The following TRAF7 variants were observed in gnomAD, a reference collection of about 807,000 sequenced individuals.
TRAF7 encodes E3 ubiquitin-protein ligase TRAF7.
In TRAF7, 45 loss-of-function variants were observed where a neutral mutation model predicts 89.3. The ratio of observed to expected loss-of-function variants is 0.50; its 90% CI spans 0.40 to 0.65. The LOEUF (loss-of-function observed/expected upper bound fraction) is 0.65. Ranked by LOEUF, TRAF7 falls within the 30% of genes least tolerant of loss-of-function variation. The pLI, the probability that TRAF7 is intolerant of heterozygous loss-of-function variation, is 0.00. For missense variants in TRAF7, 677 were observed against 918.1 expected, an observed-to-expected ratio of 0.74 and a Z score of 3.39; for synonymous variants, 406 against 369.2, an observed-to-expected ratio of 1.10 and a Z score of -1.14.
Position 2,158,016 on chromosome 16 carries a change from G to A in TRAF7, c.-39+2158G>A, listed in dbSNP as rs1338870303. Among the ~76,000 whole-genome samples, 1 of 152,220 alleles carries A rather than the reference G, an allele frequency of 6.6e-6. No homozygotes were observed. Among genetic ancestry groups the A allele is most frequent in the African/African-American group, 2.4e-5 (1 of 41,454 alleles). ...TTTTCGAGAAGCCCGAGGCCAGGAGGGCAGGTACACAGCTGTGAAGTGGTA... is the reference window on the plus strand; with the variant it reads ...TTTTCGAGAAGCCCGAGGCCAGGAGAGCAGGTACACAGCTGTGAAGTGGTA... On this transcript the variant is annotated intron_variant, in intron 1 of 20. Coordinates refer to ENST00000326181, the MANE Select transcript of TRAF7 (RefSeq NM_032271.3). This position sits in a 1 kb window ranked among gnomAD's most constrained non-coding sequence, Gnocchi z 4.7.
At position 2,163,484 on chromosome 16, in the gene TRAF7, C is replaced by A; in HGVS notation, c.-38-399C>A. On this transcript the variant is annotated intron_variant, in intron 1 of 20. Coordinates refer to ENST00000326181, the MANE Select transcript of TRAF7 (RefSeq NM_032271.3). The surrounding 1 kb of genome is among the most constrained non-coding windows in gnomAD (Gnocchi z 4.3). Reference sequence around the variant, plus strand: ...TGTGACTGCGTCCCGCCACGTGGGCCACACCCTGGGCCTACCCACCAAGGC... The same window carrying A: ...TGTGACTGCGTCCCGCCACGTGGGCAACACCCTGGGCCTACCCACCAAGGC... The A allele has an allele frequency of 4.8e-6, 1 of 209,436 alleles. No individual in the cohort carries two copies. Among genetic ancestry groups the A allele is most frequent in the Non-Finnish European group, 9.9e-6 (1 of 100,758 alleles). 13.0% of individuals were successfully genotyped at this position (209,436 alleles called of 1,614,324 possible). A position where few individuals can be genotyped will look rare whatever the true frequency, so the allele number is the denominator to read the frequency against.
intron 3 of TRAF7, among the ~76,000 whole-genome samples, chr16:2,167,007 G>T (rs1326226093): frequency 6.6e-6 from 1 of 152,198 alleles, no homozygotes; most frequent in Non-Finnish European, 1.5e-5. Context: ...CTGGCCATGG[G>T]GTCATAGGGC....
chr16:2,164,126 T>TGG (rs796357690), intron 2 of TRAF7, 125 bp downstream of exon 2: 21 of 519,894 alleles, frequency 4.0e-5, no homozygotes, highest in Middle Eastern at 5.3e-4. Flanking sequence ...GGGAGCTCGG[T>TGG]GGGGGGGGGT....
Position 2,172,372 on chromosome 16 carries a change from GAAGT to G in TRAF7, c.659+3_659+6del. The G allele has an allele frequency of 6.2e-7, 1 of 1,611,766 alleles. No individual in the cohort carries two copies. The highest frequency in any genetic ancestry group is 8.5e-7 in the Non-Finnish European group (1 of 1,179,466). ...CCTTCACCATCAAGCTCAGCGCCCG[GAAGT>G]AAGTGCCCCTCCCTGGGCACCTCTG... On this transcript the variant is annotated splice_donor_variant and coding_sequence_variant, in exon 8 of 21. Transcript: ENST00000326181. LOFTEE classifies it high-confidence loss of function.
chr16:2,175,056 G>C, intron 14 of TRAF7, 55 bp from the exon 15 acceptor site: 1 of 1,611,440 alleles, frequency 6.2e-7, no homozygotes, highest in Non-Finnish European at 8.5e-7. Flanking sequence ...TGCCAGGGCG[G>C]TGTCAGCATG....
intron 12 of TRAF7, 21 bp downstream of exon 12, chr16:2,173,857 G>GCGGGGGCGGGCCCCCCCC: frequency 6.2e-7 from 1 of 1,607,510 alleles, no homozygotes; most frequent in Non-Finnish European, 8.5e-7. Flanking sequence ...ACCCGCCGTG[G>GCGGGGGCGGGCCCCCCCC]CTCCCGCCCA....
chr16:2,167,995 G>T, intron 3 of TRAF7, 82 bp from the exon 4 acceptor site: 2 of 1,318,502 alleles, frequency 1.5e-6, no homozygotes, highest in Non-Finnish European at 2.1e-6. Flanking sequence ...GACCCACAGG[G>T]TCGGGTATCC....
rs889914619 is a variant in TRAF7 at position 2,168,945 on chromosome 16, G to A, written c.231+777G>A. Among the ~76,000 whole-genome samples the A allele has an allele frequency of 1.2e-4, 18 of 152,150 alleles. No homozygotes were observed. In the East Asian group the frequency reaches 1.9e-3, roughly 16 times the overall value. On this transcript the variant is annotated intron_variant, in intron 4 of 20. Coordinates refer to ENST00000326181, the MANE Select transcript of TRAF7 (RefSeq NM_032271.3). The surrounding 1 kb of genome is among the most constrained non-coding windows in gnomAD (Gnocchi z 4.1). Reference sequence around the variant, plus strand: ...CCAGTGCTTGGACACCAGGTGTGGCGGCCCTGCTGGCCCTCTTGGGACCGA... The same window carrying A: ...CCAGTGCTTGGACACCAGGTGTGGCAGCCCTGCTGGCCCTCTTGGGACCGA...
chr16:2,171,400 C>G, intron 6 of TRAF7, 44 bp downstream of exon 6: 1 of 1,539,166 alleles, frequency 6.5e-7, no homozygotes, highest in Non-Finnish European at 8.8e-7. Flanking sequence ...CCAGAGGCCC[C>G]CACAGGACCC....
intron 2 of TRAF7, 145 bp downstream of exon 2, chr16:2,164,146 G>GACC: frequency 1.7e-6 from 1 of 582,702 alleles, no homozygotes; most frequent in Non-Finnish European, 2.9e-6. Flanking sequence ...TGTGGTGTGT[G>GACC]TGTGTGTGTG....
At chr16:2,164,087 C>G in intron 2 of TRAF7, 86 bp downstream of exon 2, 3 of 1,298,752 alleles carry the variant, frequency 2.3e-6, no homozygotes, top group Non-Finnish European at 3.2e-6. Context: ...GAGCTCCCAG[C>G]GCAGTCCCGT....
rs975885867 is a variant in TRAF7, at chr16:2,161,975, A to G, written c.-38-1908A>G. Among the ~76,000 whole-genome samples, 4 of 152,050 alleles carry G rather than the reference A, an allele frequency of 2.6e-5. No individual in the cohort carries two copies. Among genetic ancestry groups the G allele is most frequent in the African/African-American group, 7.2e-5 (3 of 41,408 alleles). On this transcript the variant is annotated intron_variant, in intron 1 of 20. Coordinates refer to ENST00000326181, the MANE Select transcript of TRAF7 (RefSeq NM_032271.3). This position sits in a 1 kb window ranked among gnomAD's most constrained non-coding sequence, Gnocchi z 5.2. ...GGAGCCCCTGCCTCTTCCACAAGAGAAGTCCCCCGAGAGCCTAGTCTGGGT... is the reference window on the plus strand; with the variant it reads ...GGAGCCCCTGCCTCTTCCACAAGAGGAGTCCCCCGAGAGCCTAGTCTGGGT...
intron 9 of TRAF7, 23 bp downstream of exon 9, chr16:2,172,622 T>TGTGGGGGGGGGGGGGGGGGGG: frequency 1.3e-6 from 1 of 752,320 alleles, no homozygotes; most frequent in Non-Finnish European, 2.0e-6. Context: ...CGGGCGGGGG[T>TGTGGGGGGGGGGGGGGGGGGG]GGGCCGGGGT....
In TRAF7 at chr16:2,159,539, TG is replaced by T. The variant is rs1486710754; in HGVS notation, c.-39+3684del. The stretch of plus-strand genomic sequence containing the variant: ...TCTATAGAATTTAGCGGCCTGGGCT[TG>T]GGCCAGGGGGCTGAGGCAGGGGCTG... On this transcript the variant is annotated intron_variant, in intron 1 of 20. Coordinates refer to ENST00000326181, the MANE Select transcript of TRAF7 (RefSeq NM_032271.3). The surrounding 1 kb of genome is among the most constrained non-coding windows in gnomAD (Gnocchi z 6.5). Among the ~76,000 whole-genome samples, 2 of 152,112 alleles carry T rather than the reference TG, an allele frequency of 1.3e-5. No individual in the cohort carries two copies. The highest frequency in any genetic ancestry group is 3.9e-4 in the East Asian group (2 of 5,186).
At chr16:2,170,544 TG>T in intron 4 of TRAF7, 69 bp from the exon 5 acceptor site, 2 of 1,227,022 alleles carry the variant, frequency 1.6e-6, no homozygotes, top group Non-Finnish European at 2.4e-6. Flanking sequence ...TCCGCCGGGC[TG>T]GGTCCTGTCC....
intron 2 of TRAF7, among the ~76,000 whole-genome samples, chr16:2,165,099 G>T (rs532631275): frequency 7.7e-6 from 1 of 130,392 alleles, no homozygotes; most frequent in Non-Finnish European, 1.6e-5. Context: ...CTGGTCGCAT[G>T]GTTAAGCGTG....
chr16:2,164,159 TG>T (rs2093069715), intron 2 of TRAF7, among the ~76,000 whole-genome samples, 158 bp downstream of exon 2: 1 of 126,078 alleles, frequency 7.9e-6, no homozygotes. Context: ...TGTGTGTGTG[TG>T]CGCGCGCGCG....
chr16:2,175,396 C>T lies in TRAF7; in HGVS notation c.1482C>T (p.Ser494=), dbSNP rs774703912. 2.3e-5 allele frequency: 37 copies of T among 1,613,442 alleles called. No homozygotes were observed. Among genetic ancestry groups the T allele is most frequent in the Admixed American group, 2.0e-4 (12 of 60,004 alleles). The change falls in exon 16 of 21, where the codon AGC becomes AGT. Residue 494 remains serine (S), a synonymous_variant. Coordinates refer to ENST00000326181, the MANE Select transcript of TRAF7 (RefSeq NM_032271.3). ...TLVSSHNVLF[S]GSLKAIKVWD... ...TCTCCTCACACAACGTGCTCTTCAG[C>T]GGCTCCCTGAAGGCCATCAAGGTAC...
In TRAF7 at chr16:2,159,427, C is replaced by T. The variant is rs909266119; in HGVS notation, c.-39+3569C>T. The stretch of plus-strand genomic sequence containing the variant: ...AGGAGCCTTCGACGTCACACCCTGC[C>T]TATTTGGGATGGAAAAAACGTTCTA... On this transcript the variant is annotated intron_variant, in intron 1 of 20. Transcript: ENST00000326181. The surrounding 1 kb of genome is among the most constrained non-coding windows in gnomAD (Gnocchi z 6.5). Among the ~76,000 whole-genome samples, 2 of 152,208 alleles carry T rather than the reference C, an allele frequency of 1.3e-5. No homozygotes were observed. Among genetic ancestry groups the T allele is most frequent in the African/African-American group, 2.4e-5 (1 of 41,446 alleles).
Sources: allele counts gnomAD v4.1 joint callset (sites outside exome capture counted in the v4.1 genomes callset), GRCh38; gene constraint gnomAD v4.1.1; non-coding constraint Gnocchi (gnomAD v3.1); transcripts MANE v1.5; gene names NCBI Gene and HGNC (gene_info 2026-07-23, HGNC 2026-07-21).